The following MATN2 variants were observed in gnomAD, a reference collection of about 807,000 sequenced individuals.
The protein encoded by MATN2 is matrilin 2.
In MATN2, 69 loss-of-function variants were observed where a neutral mutation model predicts 103.2. That is an observed-to-expected ratio of 0.67 (90% CI 0.55 to 0.82). The LOEUF (loss-of-function observed/expected upper bound fraction) is 0.82. Among genes scored for constraint, MATN2 ranks in the 40% least tolerant of loss-of-function variants. The pLI, the probability that MATN2 is intolerant of heterozygous loss-of-function variation, is 0.00. For synonymous variants in MATN2, 429 were observed against 450.2 expected (o/e 0.95, Z 0.60); for missense variants, 1,023 against 1,211.5 (o/e 0.84, Z 2.31).
chr8:98,008,873 T>C (rs1294384706), intron 10 of MATN2, among the ~76,000 whole-genome samples: 1 of 152,214 alleles, frequency 6.6e-6, no homozygotes, highest in African/African-American at 2.4e-5. Context: ...ACAAGATGGT[T>C]GTAGGACCCT....
chr8:97,943,073 A>G (rs12547144), intron 4 of MATN2, among the ~76,000 whole-genome samples: 6,653 of 152,188 alleles, frequency 0.044, 203 homozygotes, highest in South Asian at 0.083. Flanking sequence ...CTCATCTTCC[A>G]GTTGAAGATC....
intron 4 of MATN2, among the ~76,000 whole-genome samples, chr8:97,958,190 T>C (rs541361876): frequency 6.6e-6 from 1 of 152,316 alleles, no homozygotes; most frequent in East Asian, 1.9e-4. Flanking sequence ...CAGACAATTA[T>C]AAATAAAAGA....
At chr8:98,015,371 T>A (rs938750864) in intron 10 of MATN2, among the ~76,000 whole-genome samples, 8 of 152,042 alleles carry the variant, frequency 5.3e-5, no homozygotes, top group Admixed American at 1.3e-4. Context: ...GCCCTTCTCT[T>A]TCAGATCTGA....
chr8:97,935,857 G>A (rs1346094312), intron 3 of MATN2, among the ~76,000 whole-genome samples: 1 of 152,198 alleles, frequency 6.6e-6, no homozygotes, highest in Non-Finnish European at 1.5e-5. Context: ...TGCTACATCT[G>A]CAGATTGGGA....
intron 2 of MATN2, among the ~76,000 whole-genome samples, chr8:97,916,700 G>T (rs1036911979): frequency 6.6e-6 from 1 of 152,130 alleles, no homozygotes; most frequent in African/African-American, 2.4e-5. Context: ...GAGAGAGGAC[G>T]TGAGGGGTAT....
At chr8:97,887,914 G>T (rs764345756) in intron 1 of MATN2, 161 bp from the exon 2 acceptor site, 4 of 580,190 alleles carry the variant, frequency 6.9e-6, no homozygotes, top group Non-Finnish European at 1.1e-5. Flanking sequence ...CTACCAACGG[G>T]GGCTACTTAA....
intron 2 of MATN2, among the ~76,000 whole-genome samples, chr8:97,917,024 G>A (rs561295099): frequency 6.6e-6 from 1 of 152,130 alleles, no homozygotes; most frequent in South Asian, 2.1e-4. Context: ...AGGAATTTAT[G>A]ACAGTCAGCA....
intron 1 of MATN2, among the ~76,000 whole-genome samples, chr8:97,886,714 C>T (rs772647723): frequency 2.6e-5 from 4 of 152,086 alleles, no homozygotes; most frequent in Non-Finnish European, 4.4e-5. Context: ...AAACAGTTCG[C>T]TGAAATAGTG....
chr8:97,990,776 AG>A (rs1476173620), intron 6 of MATN2, among the ~76,000 whole-genome samples: 1 of 152,246 alleles, frequency 6.6e-6, no homozygotes, highest in African/African-American at 2.4e-5. Flanking sequence ...AGATAAAAAA[AG>A]AAGATAAAAA....
intron 13 of MATN2, among the ~76,000 whole-genome samples, chr8:98,023,096 TAAATAAATA>T (rs1258510672): frequency 4.0e-5 from 6 of 151,528 alleles, no homozygotes; most frequent in East Asian, 1.9e-4. Context: ...TCAAAATAAA[TAAATAAATA>T]AAATAAATAA....
At chr8:97,952,784 C>G (rs1258925018) in intron 4 of MATN2, among the ~76,000 whole-genome samples, 1 of 152,138 alleles carries the variant, frequency 6.6e-6, no homozygotes. Context: ...CAAATTTGGC[C>G]AGGTCTTTTT....
chr8:97,906,691 G>A (rs531079396), intron 2 of MATN2, among the ~76,000 whole-genome samples: 2 of 152,350 alleles, frequency 1.3e-5, no homozygotes, highest in East Asian at 1.9e-4. Context: ...TCCACTGAAT[G>A]CCTGTGTGCA....
At chr8:98,022,919 C>A (rs1049419754) in intron 13 of MATN2, among the ~76,000 whole-genome samples, 9 of 152,110 alleles carry the variant, frequency 5.9e-5, no homozygotes, top group Non-Finnish European at 1.2e-4. Context: ...AAAACTCTGT[C>A]TCTACTAAAA....
chr8:97,948,073 G>C (rs983389521), intron 4 of MATN2, among the ~76,000 whole-genome samples: 4 of 152,186 alleles, frequency 2.6e-5, no homozygotes, highest in African/African-American at 9.7e-5. Context: ...CAGCAGATCA[G>C]CATTACTCTT....
At chr8:97,877,621 T>G (rs1818120856) in intron 1 of MATN2, among the ~76,000 whole-genome samples, 1 of 151,980 alleles carries the variant, frequency 6.6e-6, no homozygotes, top group South Asian at 2.1e-4. Context: ...GCTCCTTGCC[T>G]ACTTCATTTT....
intron 12 of MATN2, among the ~76,000 whole-genome samples, chr8:98,019,531 T>G (rs930907793): frequency 1.3e-5 from 2 of 152,202 alleles, no homozygotes; most frequent in Non-Finnish European, 2.9e-5. Flanking sequence ...ATCTAAAAAT[T>G]AGCTCACAGC....
At chr8:97,973,935 A>G (rs1037979863) in intron 5 of MATN2, among the ~76,000 whole-genome samples, 9 of 152,336 alleles carry the variant, frequency 5.9e-5, no homozygotes, top group African/African-American at 2.2e-4. Flanking sequence ...AAGGATTTCA[A>G]GACATCTGTA....
chr8:98,030,638 C>T, intron 15 of MATN2, 24 bp downstream of exon 15: 1 of 1,599,638 alleles, frequency 6.3e-7, no homozygotes, highest in Non-Finnish European at 8.5e-7. Flanking sequence ...CGCCGAAGAC[C>T]TTAGCAAACA....
chr8:97,991,887 TAATC>T (rs962707078), intron 6 of MATN2, among the ~76,000 whole-genome samples: 14 of 152,190 alleles, frequency 9.2e-5, no homozygotes, highest in African/African-American at 3.4e-4. Context: ...TATTTCATTT[TAATC>T]AATTTTAATT....
Sources: gnomAD v4.1 joint callset for allele counts (sites outside exome capture counted in the v4.1 genomes callset) on GRCh38, gnomAD v4.1.1 for gene constraint, MANE v1.5 for transcripts, NCBI Gene and HGNC (gene_info 2026-07-23, HGNC 2026-07-21) for gene names.